The following PTPRT variants were observed in gnomAD, a reference collection of about 807,000 sequenced individuals.
The protein encoded by PTPRT is protein tyrosine phosphatase receptor type T, also known as receptor-type tyrosine-protein phosphatase T.
In PTPRT, 56 loss-of-function variants were observed where a neutral mutation model predicts 176.8. The observed-to-expected ratio is 0.32, with a 90% CI of 0.26 to 0.40. The LOEUF is 0.40. PTPRT is among the 10% of genes least tolerant of loss of function. PTPRT has a pLI of 1.00. For synonymous variants in PTPRT, 783 were observed against 739.0 expected, an observed-to-expected ratio of 1.06 and a Z score of -0.96; for missense variants, 1,540 against 1,908.2, an observed-to-expected ratio of 0.81 and a Z score of 3.60.
At chr20:42,682,490 T>G (rs573073877) in intron 6 of PTPRT, among the ~76,000 whole-genome samples, 1 of 152,336 alleles carries the variant, frequency 6.6e-6, no homozygotes, top group African/African-American at 2.4e-5. Flanking sequence ...ATGAGGCTTT[T>G]CACTTCTAAC....
At chr20:42,804,698 G>A (rs777260196) in intron 2 of PTPRT, among the ~76,000 whole-genome samples, 4 of 152,210 alleles carry the variant, frequency 2.6e-5, no homozygotes, top group Non-Finnish European at 5.9e-5. Flanking sequence ...TGAGGCCAGT[G>A]AGGGAGAATC....
chr20:42,779,436 T>C (rs2077183189), intron 4 of PTPRT, among the ~76,000 whole-genome samples: 1 of 152,174 alleles, frequency 6.6e-6, no homozygotes, highest in East Asian at 1.9e-4. Flanking sequence ...AACAAACTCA[T>C]GGGGCTGGCA....
chr20:42,992,012 G>C (rs1327254774), intron 1 of PTPRT, among the ~76,000 whole-genome samples: 1 of 151,754 alleles, frequency 6.6e-6, no homozygotes, highest in East Asian at 1.9e-4. Context: ...CAAAATTCTT[G>C]GTTTTCAGTT....
chr20:42,703,049 T>C (rs2425536), intron 6 of PTPRT, among the ~76,000 whole-genome samples: 56,402 of 152,028 alleles, frequency 0.37, 11,240 homozygotes, highest in African/African-American at 0.52. Flanking sequence ...GCATATCTAC[T>C]TTCCCACTCC....
At chr20:42,230,660 GTCACC>G (rs2056115029) in intron 15 of PTPRT, among the ~76,000 whole-genome samples, 1 of 152,170 alleles carries the variant, frequency 6.6e-6, no homozygotes. Context: ...ACACTGGGAA[GTCACC>G]GCTATTATCA....
At chr20:42,705,103 G>A (rs1202773704) in intron 6 of PTPRT, among the ~76,000 whole-genome samples, 2 of 152,082 alleles carry the variant, frequency 1.3e-5, no homozygotes, top group Admixed American at 1.3e-4. Context: ...TACTCAGGAG[G>A]CTGAGGCAGG....
At chr20:42,364,601 C>CT (rs2058489673) in intron 9 of PTPRT, among the ~76,000 whole-genome samples, 1 of 152,038 alleles carries the variant, frequency 6.6e-6, no homozygotes, top group African/African-American at 2.4e-5. Flanking sequence ...TAGAAGCTTC[C>CT]TTTTTCTAAC....
At chr20:42,950,560 C>T (rs762878633) in intron 1 of PTPRT, among the ~76,000 whole-genome samples, 3 of 152,142 alleles carry the variant, frequency 2.0e-5, no homozygotes, top group African/African-American at 2.4e-5. Flanking sequence ...CAAACCCCAA[C>T]CTGAGAGGCA....
chr20:42,544,365 T>TCTG (rs1184226932), intron 7 of PTPRT, among the ~76,000 whole-genome samples: 2 of 152,218 alleles, frequency 1.3e-5, no homozygotes, highest in Non-Finnish European at 2.9e-5. Context: ...TGAGCCAAGC[T>TCTG]CTGCTGGCTC....
chr20:42,289,505 A>G (rs1018724209), intron 12 of PTPRT, among the ~76,000 whole-genome samples: 29 of 152,110 alleles, frequency 1.9e-4, no homozygotes, highest in African/African-American at 7.0e-4. Flanking sequence ...AAGAAGACGT[A>G]TAAGTGGCCA....
intron 13 of PTPRT, among the ~76,000 whole-genome samples, chr20:42,276,555 A>G (rs1426375215): frequency 1.2e-5 from 1 of 82,374 alleles, no homozygotes; most frequent in African/African-American, 4.6e-5. Flanking sequence ...ATATATATAT[A>G]TATAATGTTC....
At chr20:43,129,613 C>CTTTTTTTTTTT (rs869293740) in intron 1 of PTPRT, among the ~76,000 whole-genome samples, 1 of 87,296 alleles carries the variant, frequency 1.1e-5, no homozygotes, top group Non-Finnish European at 2.0e-5. Context: ...CCAAAGAGTT[C>CTTTTTTTTTTT]TTTTTTTTTT....
chr20:43,102,682 C>T (rs2012444044), intron 1 of PTPRT, among the ~76,000 whole-genome samples: 2 of 152,184 alleles, frequency 1.3e-5, no homozygotes, highest in South Asian at 2.1e-4. Flanking sequence ...ATCCCTACTT[C>T]CTTATACCTT....
intron 2 of PTPRT, among the ~76,000 whole-genome samples, chr20:42,842,838 C>A (rs559576762): frequency 6.6e-6 from 1 of 152,336 alleles, no homozygotes; most frequent in East Asian, 1.9e-4. Flanking sequence ...CCTCACGTAG[C>A]AGCAGGAACA....
rs559599608 is a variant in PTPRT at position 43,166,922 on chromosome 20, C to T, written c.88+22724G>A. Among the ~76,000 whole-genome samples the T allele has an allele frequency of 4.0e-4, 61 of 152,288 alleles. 3 individuals carry two copies. Among genetic ancestry groups the T allele is most frequent in the Middle Eastern group, 3.4e-3 (1 of 294 alleles). ...TCAGGGACTTGGTCCTTTTAGGCTT[C>T]CCTGTGTTTCTCTGACTACCCCTCC... On this transcript the variant is annotated intron_variant, in intron 1 of 30. Coordinates refer to ENST00000373187, the MANE Select transcript of PTPRT (RefSeq NM_007050.6).
intron 6 of PTPRT, among the ~76,000 whole-genome samples, chr20:42,750,070 G>A (rs1273758422): frequency 1.3e-5 from 2 of 152,080 alleles, no homozygotes; most frequent in African/African-American, 2.4e-5. Context: ...AAGCACTTTC[G>A]CAACTGACTT....
chr20:42,468,297 T>C (rs755754616), intron 8 of PTPRT, among the ~76,000 whole-genome samples: 4 of 152,184 alleles, frequency 2.6e-5, no homozygotes, highest in Non-Finnish European at 5.9e-5. Flanking sequence ...GTTAATCTAC[T>C]AGAGCCACGC....
At chr20:42,780,780 A>G (rs1018939610) in intron 3 of PTPRT, among the ~76,000 whole-genome samples, 3 of 152,230 alleles carry the variant, frequency 2.0e-5, no homozygotes, top group African/African-American at 7.2e-5. Context: ...ATTTGAATCT[A>G]TAATAACACT....
downstream of PTPRT, chr20:42,072,681 A>T (rs1171519663): frequency 5.4e-6 from 1 of 186,486 alleles, no homozygotes; most frequent in African/African-American, 2.3e-5. Context: ...CTAGCTGATA[A>T]TTTTTTCTCC....
Sources: allele counts gnomAD v4.1 joint callset (sites outside exome capture counted in the v4.1 genomes callset), GRCh38; gene constraint gnomAD v4.1.1; transcripts MANE v1.5; gene names NCBI Gene and HGNC (gene_info 2026-07-23, HGNC 2026-07-21).